RAB10: variants seen among roughly 807,000 people sequenced by gnomAD.
The protein encoded by RAB10 is RAB10, member RAS oncogene family.
A neutral mutation model predicts 25.7 loss-of-function variants in RAB10; 5 were observed. The ratio of observed to expected loss-of-function variants is 0.19; its 90% CI spans 0.10 to 0.41. The LOEUF (loss-of-function observed/expected upper bound fraction) is 0.41. RAB10 is among the 10% of genes least tolerant of loss of function. The pLI, the probability that RAB10 is intolerant of heterozygous loss-of-function variation, is 1.00. For missense variants in RAB10, 103 were observed against 245.8 expected (o/e 0.42, Z 3.89); for synonymous variants, 89 against 86.4 (o/e 1.03, Z -0.16).
Position 26,064,498 on chromosome 2 carries a change from A to G in RAB10, c.127+29763A>G, listed in dbSNP as rs887265449. Among the ~76,000 whole-genome samples, 21 of 150,348 alleles carry G rather than the reference A, an allele frequency of 1.4e-4. 1 individual carries two copies. The highest frequency in any genetic ancestry group is 2.4e-4 in the Non-Finnish European group (16 of 67,704). ...CACCACGCCTGGCTAATTTTTTGGGAAAAAAAAATTTTTTTTTTCATTTTT... is the reference window on the plus strand; with the variant it reads ...CACCACGCCTGGCTAATTTTTTGGGGAAAAAAAATTTTTTTTTTCATTTTT... On this transcript the variant is annotated intron_variant, in intron 1 of 5. Coordinates refer to ENST00000264710, the MANE Select transcript of RAB10 (RefSeq NM_016131.5).
intron 1 of RAB10, among the ~76,000 whole-genome samples, chr2:26,053,179 T>C (rs372073539): frequency 2.0e-5 from 3 of 152,190 alleles, no homozygotes; most frequent in South Asian, 2.1e-4. Flanking sequence ...TTTTTAAAAC[T>C]TGTAACATTA....
At chr2:26,117,677 T>C (rs1401905230) in intron 3 of RAB10, among the ~76,000 whole-genome samples, 2 of 145,968 alleles carry the variant, frequency 1.4e-5, no homozygotes, top group Non-Finnish European at 3.0e-5. Context: ...GTTGTTAACA[T>C]GTAAATAAAA....
At chr2:26,101,673 C>T (rs1559593397) in intron 2 of RAB10, 1 of 151,676 alleles carries the variant, frequency 6.6e-6, no homozygotes, top group Non-Finnish European at 1.5e-5. Flanking sequence ...ATCTTGTTCC[C>T]CAGGTAGCTT....
At chr2:26,090,458 G>C (rs552052239) in intron 1 of RAB10, among the ~76,000 whole-genome samples, 2 of 143,096 alleles carry the variant, frequency 1.4e-5, no homozygotes, top group African/African-American at 2.6e-5. Context: ...TTCTTGGTGG[G>C]TTTTTCAGTT....
At chr2:26,069,168 T>C (rs1666574889) in intron 1 of RAB10, among the ~76,000 whole-genome samples, 1 of 152,196 alleles carries the variant, frequency 6.6e-6, no homozygotes, top group African/African-American at 2.4e-5. Context: ...TGGTTTTCAT[T>C]TCTGCAGTAG....
At chr2:26,129,268 CAAAAAAAA>C (rs58007291) in intron 5 of RAB10, among the ~76,000 whole-genome samples, 15 of 133,598 alleles carry the variant, frequency 1.1e-4, no homozygotes, top group African/African-American at 3.4e-4. Flanking sequence ...GACTCCATCT[CAAAAAAAA>C]AAAAAAAAAA....
At chr2:26,048,366 C>G (rs1666060514) in intron 1 of RAB10, among the ~76,000 whole-genome samples, 1 of 152,160 alleles carries the variant, frequency 6.6e-6, no homozygotes, top group African/African-American at 2.4e-5. Context: ...TCCTCACCAG[C>G]ATTTGATAAT....
chr2:26,040,412 C>G (rs1451776916), intron 1 of RAB10, among the ~76,000 whole-genome samples: 1 of 151,912 alleles, frequency 6.6e-6, no homozygotes, highest in Non-Finnish European at 1.5e-5. Flanking sequence ...ACCTGTAATC[C>G]CAGCACTTTG....
At chr2:26,049,186 CTTTTTT>C (rs1314869793) in intron 1 of RAB10, among the ~76,000 whole-genome samples, 1 of 125,480 alleles carries the variant, frequency 8.0e-6, no homozygotes, top group Middle Eastern at 4.0e-3. Flanking sequence ...TGGAGGTCGA[CTTTTTT>C]TTTTTTTTTT....
intron 5 of RAB10, among the ~76,000 whole-genome samples, chr2:26,131,326 C>T (rs117590754): frequency 2.0e-5 from 3 of 152,146 alleles, no homozygotes; most frequent in East Asian, 1.9e-4. Context: ...ACAAAGTTTA[C>T]GAATTTGTTG....
intron 5 of RAB10, among the ~76,000 whole-genome samples, chr2:26,133,684 T>C (rs573119455): frequency 1.3e-5 from 2 of 152,312 alleles, no homozygotes; most frequent in East Asian, 3.9e-4. Flanking sequence ...TTTTTCTTTT[T>C]ATTTTTTGAG....
At chr2:26,127,518 G>A (rs548629749) in intron 4 of RAB10, among the ~76,000 whole-genome samples, 1 of 152,162 alleles carries the variant, frequency 6.6e-6, no homozygotes, top group Admixed American at 6.5e-5. Context: ...GGACTTTAAG[G>A]AAATGTATCA....
chr2:26,125,088 G>A (rs1484069481), intron 3 of RAB10, among the ~76,000 whole-genome samples: 1 of 152,070 alleles, frequency 6.6e-6, no homozygotes, highest in African/African-American at 2.4e-5. Context: ...AAATATCTGA[G>A]TCCCTGCTTT....
chr2:26,051,601 A>C (rs1195610887), intron 1 of RAB10, among the ~76,000 whole-genome samples: 1 of 151,426 alleles, frequency 6.6e-6, no homozygotes, highest in Non-Finnish European at 1.5e-5. Context: ...AATACAAAAA[A>C]AAAAAAGCCG....
intron 5 of RAB10, among the ~76,000 whole-genome samples, chr2:26,131,175 G>A (rs924345023): frequency 5.3e-5 from 8 of 151,820 alleles, no homozygotes; most frequent in Non-Finnish European, 1.0e-4. Flanking sequence ...AGACTTGCAG[G>A]GGTGTCCAAT....
At chr2:26,102,439 C>CTTTTTTTTTTT (rs562310195) in intron 2 of RAB10, among the ~76,000 whole-genome samples, 9 of 124,366 alleles carry the variant, frequency 7.2e-5, no homozygotes, top group African/African-American at 1.3e-4. Context: ...TTTTTTCTTT[C>CTTTTTTTTTTT]TTTTTTTTTT....
At chr2:26,057,945 C>T (rs566598246) in intron 1 of RAB10, among the ~76,000 whole-genome samples, 1 of 152,240 alleles carries the variant, frequency 6.6e-6, no homozygotes, top group South Asian at 2.1e-4. Flanking sequence ...TTTAAAGTCT[C>T]TCTGAACTTC....
At chr2:26,074,521 C>G (rs1479712800) in intron 1 of RAB10, among the ~76,000 whole-genome samples, 1 of 152,182 alleles carries the variant, frequency 6.6e-6, no homozygotes, top group South Asian at 2.1e-4. Flanking sequence ...TGCGTTCAAG[C>G]AGTTCTCCTG....
intron 1 of RAB10, among the ~76,000 whole-genome samples, chr2:26,068,412 G>A (rs1191608353): frequency 2.0e-5 from 3 of 152,158 alleles, no homozygotes; most frequent in Non-Finnish European, 2.9e-5. Context: ...TGTGGAAAAT[G>A]GATTGGAGTT....
Sources: gnomAD v4.1 joint callset for allele counts (sites outside exome capture counted in the v4.1 genomes callset) on GRCh38, gnomAD v4.1.1 for gene constraint, MANE v1.5 for transcripts, NCBI Gene and HGNC (gene_info 2026-07-23, HGNC 2026-07-21) for gene names.